Variants in ADAMTSL1 observed in about 807,000 individuals in gnomAD.
ADAMTSL1 encodes the protein ADAMTS-like protein 1.
A neutral mutation model predicts 201.8 loss-of-function variants in ADAMTSL1; 126 were observed. That is an observed-to-expected ratio of 0.62 (90% CI 0.54 to 0.72). The LOEUF (loss-of-function observed/expected upper bound fraction) is 0.72. Among genes scored for constraint, ADAMTSL1 ranks in the 30% least tolerant of loss-of-function variants. The pLI, the probability that ADAMTSL1 is intolerant of heterozygous loss-of-function variation, is 0.00. For synonymous variants in ADAMTSL1, 1,121 were observed against 903.4 expected, an observed-to-expected ratio of 1.24 and a Z score of -4.32; for missense variants, 2,679 against 2,277.8, an observed-to-expected ratio of 1.18 and a Z score of -3.59.
rs1833376563 is a variant in ADAMTSL1, at chr9:18,721,575, C to T, written c.1916C>T (p.Thr639Ile). The T allele has an allele frequency of 6.2e-7, 1 of 1,613,990 alleles. No homozygotes were observed. The highest frequency in any genetic ancestry group is 8.5e-7 in the Non-Finnish European group (1 of 1,179,880). Reference sequence around the variant, plus strand: ...GTGGTGAGCTGCTTGAACAAACAGACTCGGGAGCCTGCTGAGGAGAACCTG... The same window carrying T: ...GTGGTGAGCTGCTTGAACAAACAGATTCGGGAGCCTGCTGAGGAGAACCTG... ...EAVVSCLNKQTREPAEENLCV... is the reference protein window; with the variant it reads ...EAVVSCLNKQIREPAEENLCV... The change falls in exon 15 of 29, where the codon ACT becomes ATT. Residue 639 changes from threonine to isoleucine, a missense_variant. Thr to Ile is a moderately conservative substitution (Grantham distance 89). Coordinates refer to ENST00000380548, the MANE Select transcript of ADAMTSL1 (RefSeq NM_001040272.6).
At chr9:18,206,742 C>T (rs1168012569) in intron 2 of ADAMTSL1, among the ~76,000 whole-genome samples, 1 of 152,240 alleles carries the variant, frequency 6.6e-6, no homozygotes, top group African/African-American at 2.4e-5. Context: ...GTCATAATTA[C>T]TTATTTTGCG....
At chr9:17,984,929 G>C (rs1289120774) in intron 1 of ADAMTSL1, among the ~76,000 whole-genome samples, 2 of 152,014 alleles carry the variant, frequency 1.3e-5, no homozygotes, top group South Asian at 2.1e-4. Context: ...AATGTTTTTT[G>C]CTTCGTAATA....
At chr9:18,431,980 C>T (rs1445090730) in intron 2 of ADAMTSL1, among the ~76,000 whole-genome samples, 2 of 152,134 alleles carry the variant, frequency 1.3e-5, no homozygotes, top group Non-Finnish European at 2.9e-5. Flanking sequence ...AAACTGAAAG[C>T]CCATAGCATT....
At chr9:18,366,918 C>G (rs1056357976) in intron 2 of ADAMTSL1, among the ~76,000 whole-genome samples, 3 of 152,046 alleles carry the variant, frequency 2.0e-5, no homozygotes, top group African/African-American at 7.2e-5. Context: ...CCATCACCAA[C>G]CATTTAAAGT....
At chr9:18,503,319 A>G (rs930940472) in intron 1 of ADAMTSL1, among the ~76,000 whole-genome samples, 5 of 151,060 alleles carry the variant, frequency 3.3e-5, no homozygotes, top group African/African-American at 7.3e-5. Flanking sequence ...TTGTTCTTTC[A>G]TGTCTGACTT....
At chr9:18,028,560 C>A (rs964119339) in intron 1 of ADAMTSL1, among the ~76,000 whole-genome samples, 1 of 152,066 alleles carries the variant, frequency 6.6e-6, no homozygotes. Flanking sequence ...TGTCAAAGAT[C>A]AGATAGTTGT....
chr9:18,437,916 A>G (rs1035622328), intron 2 of ADAMTSL1, among the ~76,000 whole-genome samples: 2 of 151,900 alleles, frequency 1.3e-5, no homozygotes, highest in African/African-American at 4.8e-5. Context: ...ACACTGATAC[A>G]CTCGCAGTGC....
rs185696316 is a variant in ADAMTSL1, at chr9:18,035,481, G to A, written c.88-128381G>A. Among the ~76,000 whole-genome samples the A allele has an allele frequency of 6.0e-4, 92 of 152,224 alleles. 1 individual carries two copies. In the East Asian group the frequency reaches 9.5e-3, roughly 16 times the overall value. On this transcript the variant is annotated intron_variant, in intron 1 of 29. Transcript: ENST00000680146. Reference sequence around the variant, plus strand: ...TCAGTTATCCCAGGGAAAGCAGTCCGTTTACTTGGGCTGGCATGTTTTCTC... The same window carrying A: ...TCAGTTATCCCAGGGAAAGCAGTCCATTTACTTGGGCTGGCATGTTTTCTC...
intron 1 of ADAMTSL1, among the ~76,000 whole-genome samples, chr9:18,116,415 G>A (rs1663625378): frequency 6.6e-6 from 1 of 152,134 alleles, no homozygotes; most frequent in African/African-American, 2.4e-5. Context: ...CAATTATATT[G>A]AGTATTCTGA....
chr9:18,734,462 G>A (rs1564191333), intron 15 of ADAMTSL1, among the ~76,000 whole-genome samples: 1 of 152,300 alleles, frequency 6.6e-6, no homozygotes, highest in East Asian at 1.9e-4. Context: ...TACTGGTTAA[G>A]AGAAAATCCA....
intron 2 of ADAMTSL1, among the ~76,000 whole-genome samples, chr9:18,212,654 A>G (rs941448696): frequency 2.0e-5 from 3 of 152,152 alleles, no homozygotes; most frequent in African/African-American, 7.2e-5. Flanking sequence ...GCCGTTGTAA[A>G]AATGTATACA....
intron 16 of ADAMTSL1, among the ~76,000 whole-genome samples, chr9:18,763,065 T>G (rs1442286120): frequency 6.6e-6 from 1 of 152,198 alleles, no homozygotes; most frequent in Non-Finnish European, 1.5e-5. Flanking sequence ...AATTTTTACT[T>G]TTTTAAGGAA....
chr9:18,690,811 G>A (rs545586042), intron 13 of ADAMTSL1, among the ~76,000 whole-genome samples: 1 of 152,210 alleles, frequency 6.6e-6, no homozygotes, highest in African/African-American at 2.4e-5. Context: ...CTCTGCAGCA[G>A]CAAAGTGCTT....
chr9:18,306,073 G>GGAGTATC, intron 2 of ADAMTSL1, among the ~76,000 whole-genome samples: 1 of 152,276 alleles, frequency 6.6e-6, no homozygotes, highest in South Asian at 2.1e-4. Context: ...AACAGGGCAT[G>GGAGTATC]GAGTATCCAG....
chr9:18,071,757 C>T (rs1168228392), intron 1 of ADAMTSL1, among the ~76,000 whole-genome samples: 1 of 152,196 alleles, frequency 6.6e-6, no homozygotes, highest in Non-Finnish European at 1.5e-5. Flanking sequence ...CGTGCCCATA[C>T]CTCAGAGTAC....
chr9:18,116,234 A>G (rs1276599887), intron 1 of ADAMTSL1, among the ~76,000 whole-genome samples: 2 of 152,162 alleles, frequency 1.3e-5, no homozygotes, highest in Non-Finnish European at 2.9e-5. Flanking sequence ...ACATAATTGT[A>G]GTAGTCCATT....
intron 3 of ADAMTSL1, among the ~76,000 whole-genome samples, chr9:18,539,675 G>C (rs546565276): frequency 6.6e-6 from 1 of 152,144 alleles, no homozygotes; most frequent in Non-Finnish European, 1.5e-5. Flanking sequence ...ACATGGAATA[G>C]GAAACAAGAA....
intron 2 of ADAMTSL1, among the ~76,000 whole-genome samples, chr9:18,428,119 G>T (rs1220320371): frequency 2.0e-5 from 3 of 152,054 alleles, no homozygotes; most frequent in Non-Finnish European, 2.9e-5. Flanking sequence ...AAGCAATTTT[G>T]GATCATTATA....
intron 14 of ADAMTSL1, among the ~76,000 whole-genome samples, chr9:18,718,787 C>T (rs973887917): frequency 2.0e-5 from 3 of 152,354 alleles, no homozygotes; most frequent in African/African-American, 7.2e-5. Context: ...GATCCAGTCA[C>T]TTTCAAGTAA....
Sources: gnomAD v4.1 joint callset for allele counts (sites outside exome capture counted in the v4.1 genomes callset) on GRCh38, gnomAD v4.1.1 for gene constraint, MANE v1.5 for transcripts, NCBI Gene and HGNC (gene_info 2026-07-23, HGNC 2026-07-21) for gene names.